Variants in HOXA7 observed in about 807,000 individuals in gnomAD.
HOXA7 encodes the protein homeobox protein Hox-A7.
Under a neutral mutation model 16.8 loss-of-function variants are expected in HOXA7, and 16 were observed. The ratio of observed to expected loss-of-function variants is 0.95; its 90% CI spans 0.64 to 1.44. The LOEUF (loss-of-function observed/expected upper bound fraction) is 1.44. HOXA7 is among the 40% of genes most tolerant of loss of function. The pLI, the probability that HOXA7 is intolerant of heterozygous loss-of-function variation, is 0.00. For synonymous variants in HOXA7, 169 were observed against 144.3 expected, an observed-to-expected ratio of 1.17 and a Z score of -1.23; for missense variants, 379 against 328.6, an observed-to-expected ratio of 1.15 and a Z score of -1.19.
chr7:27,156,515 A>C lies in HOXA7; in HGVS notation c.31T>G (p.Phe11Val). 1 of 1,586,818 alleles carries C rather than the reference A, an allele frequency of 6.3e-7. No homozygotes were observed. The highest frequency in any genetic ancestry group is 8.6e-7 in the Non-Finnish European group (1 of 1,164,400). MSSSYYVNALFSKYTAGASLF... is the reference protein window; with the variant it reads MSSSYYVNALVSKYTAGASLF... ...GAAGCCCCCGCCGTATATTTGCTAA[A>C]AAGCGCGTTCACATAATACGAAGAA... The change falls in exon 1 of 2, where the codon TTT (phenylalanine) becomes GTT (valine). Residue 11 changes from phenylalanine to valine, a missense_variant. Physicochemically the swap from Phe to Val is conservative, Grantham distance 50. Transcript: ENST00000242159.
intron 1 of HOXA7, 76 bp from the exon 2 acceptor site, chr7:27,155,298 AGCCC>A: frequency 7.4e-7 from 1 of 1,343,836 alleles, no homozygotes; most frequent in African/African-American, 1.4e-5. Flanking sequence ...GCTGTCCCAG[AGCCC>A]GCACCTTCCT....
intron 1 of HOXA7, 52 bp from the exon 2 acceptor site, chr7:27,155,274 G>A (rs1478919173): frequency 2.0e-6 from 3 of 1,534,468 alleles, no homozygotes; most frequent in East Asian, 4.5e-5. Flanking sequence ...AGTAGACAGG[G>A]CACTCGTTAG....
rs1783072120 is a variant in HOXA7, at chr7:27,154,754, G to T, written c.*155C>A. The T allele has an allele frequency of 8.4e-6, 9 of 1,075,050 alleles. No homozygotes were observed. Among genetic ancestry groups the T allele is most frequent in the Non-Finnish European group, 1.2e-5 (9 of 773,984 alleles). The allele number at this position is 1,075,050 out of a possible 1,614,324, so 66.6% of individuals were successfully genotyped here. A position where few individuals can be genotyped will look rare whatever the true frequency, so the allele number is the denominator to read the frequency against. ...GGAGCTGGAGTAGGTGATGGGGGTG[G>T]GTAGAGTGCAGGTTGGGGACTGGGT... On this transcript the variant is annotated 3_prime_UTR_variant, in exon 2 of 2. Coordinates refer to ENST00000242159, the MANE Select transcript of HOXA7 (RefSeq NM_006896.4).
At chr7:27,155,700 C>T (rs1361219858) in intron 1 of HOXA7, 1 of 168,628 alleles carries the variant, frequency 5.9e-6, no homozygotes, top group Non-Finnish European at 1.3e-5. Context: ...TCGCCCCCAT[C>T]TTGAAATGGA....
Position 27,154,803 on chromosome 7 carries a change from T to G in HOXA7, c.*106A>C. On this transcript the variant is annotated 3_prime_UTR_variant, in exon 2 of 2. Coordinates refer to ENST00000242159, the MANE Select transcript of HOXA7 (RefSeq NM_006896.4). ...GTTGCTTTTTTGTTTTTGTTTTTGT[T>G]TTTTACATTTTCTTTTATTTTTCCC... 1.4e-6 allele frequency: 2 copies of G among 1,442,598 alleles called. No individual in the cohort carries two copies. The highest frequency in any genetic ancestry group is 1.8e-6 in the Non-Finnish European group (2 of 1,096,386). The allele number at this position is 1,442,598 out of a possible 1,614,324, so 89.4% of individuals were successfully genotyped here. A position where few individuals can be genotyped will look rare whatever the true frequency, so the allele number is the denominator to read the frequency against.
Position 27,155,121 on chromosome 7 carries a change from T to A in HOXA7, c.481A>T (p.Ile161Phe). The change falls in exon 2 of 2, where the codon ATT becomes TTT. Residue 161 changes from isoleucine to phenylalanine, a missense_variant. Physicochemically the swap from Ile to Phe is conservative, Grantham distance 21. Coordinates refer to ENST00000242159, the MANE Select transcript of HOXA7 (RefSeq NM_006896.4). ...FNRYLTRRRRIEIAHALCLTE... is the reference protein window; with the variant it reads ...FNRYLTRRRRFEIAHALCLTE... ...AGGCAGAGCGCGTGGGCGATTTCAA[T>A]GCGGCGGCGCCGCGTCAGGTAGCGG... 1.2e-6 allele frequency: 2 copies of A among 1,614,276 alleles called. No homozygotes were observed. Among genetic ancestry groups the A allele is most frequent in the Non-Finnish European group, 1.7e-6 (2 of 1,180,056 alleles).
rs762406208 is a variant in HOXA7, at chr7:27,156,400, G to GAGGCGA, written c.140_145dup (p.Phe47_Ala48dup). ...GACATTGTATAAGCCCGGAACGGTC[G>GAGGCGA]AGGCGAAGGCGCCGGCGCCCGCCCC... On this transcript the variant is annotated inframe_insertion, in exon 1 of 2. Transcript: ENST00000242159. The GAGGCGA allele has an allele frequency of 4.3e-6, 7 of 1,613,806 alleles. No homozygotes were observed. The highest frequency in any genetic ancestry group is 3.3e-5 in the South Asian group (3 of 91,086).
At position 27,156,309 on chromosome 7, in the gene HOXA7, G is replaced by A. The variant is rs1253219549; in HGVS notation, c.237C>T (p.Asn79=). The A allele has an allele frequency of 1.9e-6, 3 of 1,613,818 alleles. No individual in the cohort carries two copies. The highest frequency in any genetic ancestry group is 1.1e-5 in the South Asian group (1 of 91,094). ...GYGLGADAYG[N]LPCASYDQNI... ...TTTGGTCGTAGGAGGCGCAGGGCAG[G>A]TTGCCGTAGGCGTCGGCGCCCAGGC... is the stretch of plus-strand genomic sequence containing the variant. Residue 79 remains asparagine, a synonymous_variant, in exon 1 of 2, where the codon AAC becomes AAT. Coordinates refer to ENST00000242159, the MANE Select transcript of HOXA7 (RefSeq NM_006896.4).
Position 27,156,581 on chromosome 7 carries a change from A to G in HOXA7, c.-36T>C. ...TGTGATTTGTTGTCCGGCAGCTTTC[A>G]GTGTCGGTTTTACGAGGTAGAGTGA... On this transcript the variant is annotated 5_prime_UTR_variant, in exon 1 of 2. Transcript: ENST00000242159. The G allele has an allele frequency of 6.5e-7, 1 of 1,540,296 alleles. No homozygotes were observed. The highest frequency in any genetic ancestry group is 8.8e-7 in the Non-Finnish European group (1 of 1,141,354).
chr7:27,156,124 G>A (rs886352106), intron 1 of HOXA7, 43 bp downstream of exon 1: 14 of 1,425,500 alleles, frequency 9.8e-6, no homozygotes, highest in African/African-American at 5.9e-5. Flanking sequence ...CCCCGCTCCC[G>A]GTCCCGCTCC....
Position 27,154,764 on chromosome 7 carries a change from A to G in HOXA7, c.*145T>C. 1 of 1,184,160 alleles carries G rather than the reference A, an allele frequency of 8.4e-7. No individual in the cohort carries two copies. The highest frequency in any genetic ancestry group is 1.1e-6 in the Non-Finnish European group (1 of 872,186). 73.4% of individuals were successfully genotyped at this position (1,184,160 alleles called of 1,614,324 possible). On this transcript the variant is annotated 3_prime_UTR_variant, in exon 2 of 2. Coordinates refer to ENST00000242159, the MANE Select transcript of HOXA7 (RefSeq NM_006896.4). ...TAGGTGATGGGGGTGGGTAGAGTGC[A>G]GGTTGGGGACTGGGTTGCTTTTTTG...
Position 27,154,709 on chromosome 7 carries a change from C to A in HOXA7, c.*200G>T. ...TCCAAGGCGACCCAGTCTCTGCGGC[C>A]GCTCAGTCCACAAAAGTTGGGAGCT... is the stretch of plus-strand genomic sequence containing the variant. On this transcript the variant is annotated 3_prime_UTR_variant, in exon 2 of 2. Coordinates refer to ENST00000242159, the MANE Select transcript of HOXA7 (RefSeq NM_006896.4). 1 of 739,274 alleles carries A rather than the reference C, an allele frequency of 1.4e-6. No homozygotes were observed. Among genetic ancestry groups the A allele is most frequent in the Non-Finnish European group, 2.1e-6 (1 of 475,508 alleles). 45.8% of individuals were successfully genotyped at this position (739,274 alleles called of 1,614,324 possible). A position where few individuals can be genotyped will look rare whatever the true frequency, so the allele number is the denominator to read the frequency against.
intron 1 of HOXA7, 134 bp downstream of exon 1, chr7:27,156,033 C>A: frequency 9.1e-7 from 1 of 1,093,314 alleles, no homozygotes; most frequent in Non-Finnish European, 1.2e-6. Flanking sequence ...CGCCGGGAGT[C>A]ACGGGGCTAC....
In HOXA7 at chr7:27,156,508, T is replaced by A; in HGVS notation, c.38A>T (p.Lys13Ile). Reference protein sequence around the residue: ...SSYYVNALFSKYTAGASLFQN... With the variant: ...SSYYVNALFSIYTAGASLFQN... Reference sequence around the variant, plus strand: ...GAACAGAGAAGCCCCCGCCGTATATTTGCTAAAAAGCGCGTTCACATAATA... The same window carrying A: ...GAACAGAGAAGCCCCCGCCGTATATATGCTAAAAAGCGCGTTCACATAATA... Residue 13 changes from lysine (K) to isoleucine (I), a missense_variant, in exon 1 of 2, where the codon AAA (lysine) becomes ATA (isoleucine). Transcript: ENST00000242159. 1 of 1,587,126 alleles carries A rather than the reference T, an allele frequency of 6.3e-7. No homozygotes were observed. Among genetic ancestry groups the A allele is most frequent in the Non-Finnish European group, 8.6e-7 (1 of 1,164,280 alleles).
rs1449685607 is a variant in HOXA7 at position 27,155,129 on chromosome 7, C to T, written c.473G>A (p.Arg158His). Residue 158 changes from arginine to histidine, a missense_variant, in exon 2 of 2, where the codon CGC (arginine) becomes CAC (histidine). Transcript: ENST00000242159. ...EFHFNRYLTRRRRIEIAHALC... is the reference protein window; with the variant it reads ...EFHFNRYLTRHRRIEIAHALC... ...CGCGTGGGCGATTTCAATGCGGCGG[C>T]GCCGCGTCAGGTAGCGGTTGAAGTG... 3 of 1,614,258 alleles carry T rather than the reference C, an allele frequency of 1.9e-6. No individual in the cohort carries two copies. The highest frequency in any genetic ancestry group is 1.1e-5 in the South Asian group (1 of 91,092).
chr7:27,156,591 T>A lies in HOXA7; in HGVS notation c.-46A>T. On this transcript the variant is annotated 5_prime_UTR_variant, in exon 1 of 2. Transcript: ENST00000242159. ...TGTCCGGCAGCTTTCAGTGTCGGTT[T>A]TACGAGGTAGAGTGATATATGATAA... 1 of 1,533,450 alleles carries A rather than the reference T, an allele frequency of 6.5e-7. No individual in the cohort carries two copies. Among genetic ancestry groups the A allele is most frequent in the Non-Finnish European group, 8.8e-7 (1 of 1,137,474 alleles). 95.0% of individuals were successfully genotyped at this position (1,533,450 alleles called of 1,614,324 possible).
At position 27,156,667 on chromosome 7, in the gene HOXA7, C is replaced by G. The variant is rs1290669522; in HGVS notation, c.-122G>C. 1 of 1,090,894 alleles carries G rather than the reference C, an allele frequency of 9.2e-7. No individual in the cohort carries two copies. Among genetic ancestry groups the G allele is most frequent in the Non-Finnish European group, 1.3e-6 (1 of 763,686 alleles). The allele number at this position is 1,090,894 out of a possible 1,614,324, so 67.6% of individuals were successfully genotyped here. A position where few individuals can be genotyped will look rare whatever the true frequency, so the allele number is the denominator to read the frequency against. On this transcript the variant is annotated 5_prime_UTR_variant, in exon 1 of 2. Coordinates refer to ENST00000242159, the MANE Select transcript of HOXA7 (RefSeq NM_006896.4). ...ACCCCATTTTCTTTTGGACGGAGCT[C>G]GCCGCAGCACGTGACCGCCCACATG...
Position 27,155,151 on chromosome 7 carries a change from A to C in HOXA7, c.451T>G (p.Phe151Val). The C allele has an allele frequency of 6.2e-7, 1 of 1,614,240 alleles. No homozygotes were observed. Among genetic ancestry groups the C allele is most frequent in the Non-Finnish European group, 8.5e-7 (1 of 1,180,050 alleles). ...QTLELEKEFH[F>V]NRYLTRRRRI... ...CGGCGCCGCGTCAGGTAGCGGTTGAAGTGGAACTCCTTCTCCAGCTCCAGC... is the reference window on the plus strand; with the variant it reads ...CGGCGCCGCGTCAGGTAGCGGTTGACGTGGAACTCCTTCTCCAGCTCCAGC... Residue 151 changes from phenylalanine to valine, a missense_variant, in exon 2 of 2, where the codon TTC becomes GTC. Transcript: ENST00000242159.
chr7:27,154,752 TG>T lies in HOXA7; in HGVS notation c.*156del. ...TGGGAGCTGGAGTAGGTGATGGGGG[TG>T]GGTAGAGTGCAGGTTGGGGACTGGG... On this transcript the variant is annotated 3_prime_UTR_variant, in exon 2 of 2. Coordinates refer to ENST00000242159, the MANE Select transcript of HOXA7 (RefSeq NM_006896.4). 1 of 1,041,518 alleles carries T rather than the reference TG, an allele frequency of 9.6e-7. No individual in the cohort carries two copies. Among genetic ancestry groups the T allele is most frequent in the Non-Finnish European group, 1.3e-6 (1 of 745,958 alleles). The allele number at this position is 1,041,518 out of a possible 1,614,324, so 64.5% of individuals were successfully genotyped here. A position where few individuals can be genotyped will look rare whatever the true frequency, so the allele number is the denominator to read the frequency against.
Sources: allele counts gnomAD v4.1 joint callset, GRCh38; gene constraint gnomAD v4.1.1; transcripts MANE v1.5; gene names NCBI Gene and HGNC (gene_info 2026-07-23, HGNC 2026-07-21).